The following TRARG1 variants were observed in gnomAD, a reference collection of about 807,000 sequenced individuals.
The protein encoded by TRARG1 is trafficking regulator of GLUT4 (SLC2A4) 1 (gene/pseudogene).
A neutral mutation model predicts 13.3 loss-of-function variants in TRARG1; 16 were observed. The ratio of observed to expected loss-of-function variants is 1.20; its 90% CI spans 0.81 to 1.83. TRARG1 has a LOEUF of 1.83. Among genes scored for constraint, TRARG1 ranks in the 40% most tolerant of loss-of-function variants. TRARG1 has a pLI of 0.00. For missense variants in TRARG1, 250 were observed against 237.4 expected, an observed-to-expected ratio of 1.05 and a Z score of -0.35; for synonymous variants, 113 against 106.2, an observed-to-expected ratio of 1.06 and a Z score of -0.39.
rs1379736565 is a variant in TRARG1, at chr17:1,282,240, A to ACACG, written c.387+1852_387+1853insCACG. On this transcript the variant is annotated intron_variant, in intron 1 of 2. Coordinates refer to ENST00000333813, the MANE Select transcript of TRARG1 (RefSeq NM_172367.3). ...TATACACGTGCGTATATGTACGTAT[A>ACACG]TGCACGTATATGTACGTATATGTAC... is the stretch of plus-strand genomic sequence containing the variant. Among the ~76,000 whole-genome samples, 188 of 136,252 alleles carry ACACG rather than the reference A, an allele frequency of 1.4e-3. 13 individuals carry two copies. Among genetic ancestry groups the ACACG allele is most frequent in the South Asian group, 3.0e-3 (13 of 4,322 alleles). 89.4% of individuals were successfully genotyped at this position (136,252 alleles called of 152,430 possible). A position where few individuals can be genotyped will look rare whatever the true frequency, so the allele number is the denominator to read the frequency against.
chr17:1,293,375 G>A (rs1483126029), intron 1 of TRARG1, among the ~76,000 whole-genome samples: 1 of 152,118 alleles, frequency 6.6e-6, no homozygotes, highest in Non-Finnish European at 1.5e-5. Flanking sequence ...GCGGAGCTCA[G>A]GCTACGGCAA....
At position 1,298,253 on chromosome 17, in the gene TRARG1, C is replaced by T. The variant is rs2072126807; in HGVS notation, c.523C>T (p.Gln175Ter). Residue 175 changes from glutamine to a stop codon, truncating the protein, a stop_gained and splice_region_variant, in exon 3 of 3, where the codon CAG becomes TAG. Coordinates refer to ENST00000333813, the MANE Select transcript of TRARG1 (RefSeq NM_172367.3). LOFTEE classifies it high-confidence loss of function. The part of the protein sequence containing the change: ...MVAVTVNFTV[Q>*]KK ...ATATCTGTTTTTTTTCTTTACAGTTCAGAAGAAATAAACTTAAGCAGGGAG... is the reference window on the plus strand; with the variant it reads ...ATATCTGTTTTTTTTCTTTACAGTTTAGAAGAAATAAACTTAAGCAGGGAG... The T allele has an allele frequency of 6.2e-7, 1 of 1,613,710 alleles. No homozygotes were observed. The highest frequency in any genetic ancestry group is 1.1e-5 in the South Asian group (1 of 90,972).
At chr17:1,289,470 C>T (rs1317385705) in intron 1 of TRARG1, among the ~76,000 whole-genome samples, 2 of 144,390 alleles carry the variant, frequency 1.4e-5, no homozygotes, top group East Asian at 4.2e-4. Flanking sequence ...CCTCTGAAAC[C>T]TCCTGCCAAG....
chr17:1,296,977 T>C (rs1287166857), intron 2 of TRARG1, among the ~76,000 whole-genome samples: 4 of 152,178 alleles, frequency 2.6e-5, no homozygotes, highest in Admixed American at 2.0e-4. Flanking sequence ...GACTCTCTGC[T>C]GTTCAAGAAA....
intron 1 of TRARG1, among the ~76,000 whole-genome samples, chr17:1,283,819 AAAT>A (rs1567928986): frequency 6.6e-6 from 1 of 150,708 alleles, no homozygotes; most frequent in African/African-American, 2.4e-5. Context: ...AAAAAAAATA[AAAT>A]AAAATAAAGG....
chr17:1,296,450 C>A (rs1441036581), intron 2 of TRARG1, among the ~76,000 whole-genome samples: 1 of 151,116 alleles, frequency 6.6e-6, no homozygotes, highest in African/African-American at 2.4e-5. Flanking sequence ...CCACCTTGGC[C>A]GCCTAAAATG....
chr17:1,292,151 A>G lies in TRARG1; in HGVS notation c.388-3340A>G, dbSNP rs528436157. On this transcript the variant is annotated intron_variant, in intron 1 of 2. Transcript: ENST00000333813. ...CCATTGCACTACAGCCTGGGCAACA[A>G]GAGCAAAACTCCATCTCAAAAACAA... Among the ~76,000 whole-genome samples, 16 of 152,088 alleles carry G rather than the reference A, an allele frequency of 1.1e-4. No individual in the cohort carries two copies. The East Asian group carries it at 2.7e-3, about 26-fold the overall frequency.
intron 1 of TRARG1, among the ~76,000 whole-genome samples, chr17:1,291,939 G>A (rs1371124190): frequency 2.6e-5 from 4 of 152,080 alleles, no homozygotes; most frequent in Non-Finnish European, 4.4e-5. Context: ...GGCCAGGCGC[G>A]GTGGCTGGGA....
At chr17:1,293,735 T>A (rs925145744) in intron 1 of TRARG1, among the ~76,000 whole-genome samples, 4 of 152,084 alleles carry the variant, frequency 2.6e-5, no homozygotes, top group Non-Finnish European at 5.9e-5. Flanking sequence ...TTTGATGATG[T>A]CACGCTGTCC....
At position 1,294,441 on chromosome 17, in the gene TRARG1, G is replaced by A. The variant is rs138292296; in HGVS notation, c.388-1050G>A. On this transcript the variant is annotated intron_variant, in intron 1 of 2. Transcript: ENST00000333813. ...TTGAACGAGGATGTGGTTCTTGGGTGGGAAATGGAGGCTGTGAAGACAGTG... is the reference window on the plus strand; with the variant it reads ...TTGAACGAGGATGTGGTTCTTGGGTAGGAAATGGAGGCTGTGAAGACAGTG... 5.3e-5 allele frequency among the ~76,000 whole-genome samples: 8 copies of A among 150,246 alleles called. 1 individual carries two copies. The highest frequency in any genetic ancestry group is 2.0e-4 in the African/African-American group (8 of 40,756).
chr17:1,290,708 C>T (rs2072062893), intron 1 of TRARG1, among the ~76,000 whole-genome samples: 1 of 152,098 alleles, frequency 6.6e-6, no homozygotes, highest in South Asian at 2.1e-4. Context: ...GGACTAATCG[C>T]AATCCCTGCC....
rs1567928122 is a variant in TRARG1 at position 1,282,202 on chromosome 17, G to GCA, written c.387+1815_387+1816insAC. Among the ~76,000 whole-genome samples the GCA allele has an allele frequency of 1.1e-3, 155 of 144,324 alleles. 5 individuals carry two copies. The highest frequency in any genetic ancestry group is 4.1e-3 in the African/African-American group (148 of 36,000). The allele number at this position is 144,324 out of a possible 152,430, so 94.7% of individuals were successfully genotyped here. A position where few individuals can be genotyped will look rare whatever the true frequency, so the allele number is the denominator to read the frequency against. On this transcript the variant is annotated intron_variant, in intron 1 of 2. Coordinates refer to ENST00000333813, the MANE Select transcript of TRARG1 (RefSeq NM_172367.3). ...CGTGCGTATATGTACGTGTACACGT[G>GCA]CGTATATGTACGTATACACGTGCGT...
rs1461225031 is a variant in TRARG1 at position 1,299,482 on chromosome 17, A to G, written c.*1218A>G. ...GGTTTGGGAATACACTTGCATGTAC[A>G]GAGCCTGGGGCCTGGACGCCACGGC... On this transcript the variant is annotated 3_prime_UTR_variant, in exon 3 of 3. Transcript: ENST00000333813. 6.6e-6 allele frequency: 1 copy of G among 152,176 alleles called. No individual in the cohort carries two copies. Among genetic ancestry groups the G allele is most frequent in the Non-Finnish European group, 1.5e-5 (1 of 68,066 alleles). 9.4% of individuals were successfully genotyped at this position (152,176 alleles called of 1,614,324 possible). A position where few individuals can be genotyped will look rare whatever the true frequency, so the allele number is the denominator to read the frequency against.
chr17:1,284,123 AAAG>A (rs1236075830), intron 1 of TRARG1, among the ~76,000 whole-genome samples: 2 of 87,438 alleles, frequency 2.3e-5, no homozygotes, highest in Non-Finnish European at 4.6e-5. Flanking sequence ...TCAAAAAAAA[AAAG>A]AAAGAAAGAA....
intron 1 of TRARG1, among the ~76,000 whole-genome samples, chr17:1,284,430 G>A (rs1396807851): frequency 6.6e-6 from 1 of 152,192 alleles, no homozygotes; most frequent in Non-Finnish European, 1.5e-5. Flanking sequence ...CTGGGGCAGG[G>A]TGAGAGGAGG....
intron 1 of TRARG1, among the ~76,000 whole-genome samples, chr17:1,293,028 C>T (rs1041442144): frequency 6.6e-6 from 1 of 152,110 alleles, no homozygotes; most frequent in South Asian, 2.1e-4. Context: ...TGACTCACAC[C>T]TGTACTCCCA....
At chr17:1,280,831 T>A (rs2071967878) in intron 1 of TRARG1, among the ~76,000 whole-genome samples, 1 of 152,182 alleles carries the variant, frequency 6.6e-6, no homozygotes, top group African/African-American at 2.4e-5. Context: ...CACCTGGACA[T>A]GCTCCCAGCC....
chr17:1,295,278 T>C (rs1451967084), intron 1 of TRARG1, among the ~76,000 whole-genome samples: 1 of 152,166 alleles, frequency 6.6e-6, no homozygotes, highest in Non-Finnish European at 1.5e-5. Flanking sequence ...CCCCAGCTGG[T>C]GAGGGACAGG....
chr17:1,298,404 C>T lies in TRARG1; in HGVS notation c.*140C>T, dbSNP rs755314555. The T allele has an allele frequency of 2.2e-5, 19 of 875,658 alleles. No homozygotes were observed. The highest frequency in any genetic ancestry group is 3.1e-5 in the Non-Finnish European group (18 of 578,194). 54.2% of individuals were successfully genotyped at this position (875,658 alleles called of 1,614,324 possible). ...CCAAAAGCACAGACTCAAAGGGAAA[C>T]CCCCCAGTCACCCACTGTCAGCCCC... On this transcript the variant is annotated 3_prime_UTR_variant, in exon 3 of 3. Coordinates refer to ENST00000333813, the MANE Select transcript of TRARG1 (RefSeq NM_172367.3).
Sources: allele counts gnomAD v4.1 joint callset (sites outside exome capture counted in the v4.1 genomes callset), GRCh38; gene constraint gnomAD v4.1.1; transcripts MANE v1.5; gene names NCBI Gene and HGNC (gene_info 2026-07-23, HGNC 2026-07-21).